ADAMTS19: variants seen among roughly 807,000 people sequenced by gnomAD.
The protein encoded by ADAMTS19 is A disintegrin and metalloproteinase with thrombospondin motifs 19.
Under a neutral mutation model 153.3 loss-of-function variants are expected in ADAMTS19, and 93 were observed. The observed-to-expected ratio is 0.61, with a 90% confidence interval of 0.51 to 0.72. The LOEUF is 0.72. Ranked by LOEUF, ADAMTS19 falls within the 30% of genes least tolerant of loss-of-function variation. ADAMTS19 has a pLI of 0.00. For synonymous variants in ADAMTS19, 600 were observed against 556.6 expected, an observed-to-expected ratio of 1.08 and a Z score of -1.10; for missense variants, 1,482 against 1,552.1, an observed-to-expected ratio of 0.95 and a Z score of 0.76.
chr5:129,633,063 T>TA (rs1028701146), intron 10 of ADAMTS19, among the ~76,000 whole-genome samples: 12 of 152,222 alleles, frequency 7.9e-5, no homozygotes, highest in Admixed American at 6.6e-4. Context: ...AAATCTTTCA[T>TA]ATTTTTCAAT....
chr5:129,645,796 T>C (rs1432451880), intron 11 of ADAMTS19, among the ~76,000 whole-genome samples: 2 of 152,132 alleles, frequency 1.3e-5, no homozygotes, highest in Non-Finnish European at 1.5e-5. Context: ...ACATTGAATT[T>C]TTTTTTCCAT....
At chr5:129,484,671 CA>C (rs1750533947) in intron 2 of ADAMTS19, among the ~76,000 whole-genome samples, 4 of 151,816 alleles carry the variant, frequency 2.6e-5, no homozygotes. Flanking sequence ...CATTTTTTCT[CA>C]TTTTCTTAAT....
At chr5:129,510,942 T>TGCTAA (rs1459497502) in intron 3 of ADAMTS19, among the ~76,000 whole-genome samples, 43 of 151,306 alleles carry the variant, frequency 2.8e-4, no homozygotes, top group African/African-American at 1.0e-3. Flanking sequence ...ATGTAAGGAG[T>TGCTAA]GCTAAGCTAT....
Position 129,528,605 on chromosome 5 carries a change from A to G in ADAMTS19, c.1256A>G (p.Asp419Gly). Residue 419 changes from aspartate (D) to glycine (G), a missense_variant, in exon 6 of 23, where the codon GAT becomes GGT. This residue lies in a region of ADAMTS19 where 866 missense variants were observed against 827.7 expected (regional missense o/e 1.05). Coordinates refer to ENST00000274487, the MANE Select transcript of ADAMTS19 (RefSeq NM_133638.6). ...WQHEEFGKKNDIHLEMSTNWG... is the reference protein window; with the variant it reads ...WQHEEFGKKNGIHLEMSTNWG... ...CATGAAGAATTTGGCAAAAAGAATGATATACATTTAGAGATGTCAACAAAC... is the reference window on the plus strand; with the variant it reads ...CATGAAGAATTTGGCAAAAAGAATGGTATACATTTAGAGATGTCAACAAAC... The G allele has an allele frequency of 6.2e-7, 1 of 1,609,036 alleles. No homozygotes were observed. Among genetic ancestry groups the G allele is most frequent in the Non-Finnish European group, 8.5e-7 (1 of 1,177,878 alleles).
chr5:129,503,477 T>G (rs1751169849), intron 2 of ADAMTS19, among the ~76,000 whole-genome samples: 1 of 152,168 alleles, frequency 6.6e-6, no homozygotes, highest in Non-Finnish European at 1.5e-5. Context: ...ATGCCTACAC[T>G]TTGAACTATA....
chr5:129,531,970 C>T (rs753373343), intron 6 of ADAMTS19, among the ~76,000 whole-genome samples: 3 of 151,552 alleles, frequency 2.0e-5, no homozygotes, highest in Admixed American at 6.6e-5. Flanking sequence ...GACACCTTTG[C>T]GAAAAAAATG....
chr5:129,479,055 T>C (rs1750324117), intron 2 of ADAMTS19, among the ~76,000 whole-genome samples: 2 of 152,142 alleles, frequency 1.3e-5, no homozygotes, highest in African/African-American at 2.4e-5. Context: ...CTCAGTTTTA[T>C]AGATAAGGAT....
chr5:129,735,080 A>G lies in ADAMTS19; in HGVS notation c.3461A>G (p.Asn1154Ser). ...CHLQPCNEKINVNTITSPRLA... is the reference protein window; with the variant it reads ...CHLQPCNEKISVNTITSPRLA... ...CTTCAACCCTGCAATGAGAAAATTA[A>G]TGTAAATACCATAACATCACCCAGA... is the stretch of plus-strand genomic sequence containing the variant. The change falls in exon 22 of 23, where the codon AAT becomes AGT. Residue 1154 changes from asparagine to serine, a missense_variant. Asn to Ser is a conservative substitution (Grantham distance 46). Around this residue, in one of 2 missense-constraint regions of ADAMTS19, gnomAD observed 616 missense variants for 724.4 expected, o/e 0.85. Transcript: ENST00000274487. 1.2e-6 allele frequency: 2 copies of G among 1,603,480 alleles called. No individual in the cohort carries two copies. Among genetic ancestry groups the G allele is most frequent in the South Asian group, 1.1e-5 (1 of 88,642 alleles).
chr5:129,713,332 A>G (rs984097710), intron 21 of ADAMTS19, among the ~76,000 whole-genome samples: 1 of 152,248 alleles, frequency 6.6e-6, no homozygotes, highest in African/African-American at 2.4e-5. Context: ...GTGTTCATCA[A>G]CTACTAGAGA....
At chr5:129,494,341 A>G (rs1750860785) in intron 2 of ADAMTS19, among the ~76,000 whole-genome samples, 1 of 152,084 alleles carries the variant, frequency 6.6e-6, no homozygotes, top group Non-Finnish European at 1.5e-5. Flanking sequence ...TTCTTGATAC[A>G]TGTTTTTGTC....
intron 7 of ADAMTS19, among the ~76,000 whole-genome samples, chr5:129,579,075 CT>C (rs1749363541): frequency 6.6e-6 from 1 of 152,174 alleles, no homozygotes; most frequent in Non-Finnish European, 1.5e-5. Context: ...AAAAGCATTC[CT>C]GTTTCTCCAC....
At chr5:129,580,522 G>C (rs2126884495) in intron 7 of ADAMTS19, among the ~76,000 whole-genome samples, 1 of 152,242 alleles carries the variant, frequency 6.6e-6, no homozygotes, top group Middle Eastern at 3.4e-3. Flanking sequence ...GTTTTCAAAG[G>C]GGATGCTTCC....
At chr5:129,659,645 T>G (rs889343655) in intron 15 of ADAMTS19, among the ~76,000 whole-genome samples, 3 of 152,142 alleles carry the variant, frequency 2.0e-5, no homozygotes, top group African/African-American at 7.2e-5. Flanking sequence ...AGTGCAGTGG[T>G]GCATGGCTCA....
chr5:129,728,531 A>G (rs1294799861), intron 21 of ADAMTS19, among the ~76,000 whole-genome samples: 3 of 152,094 alleles, frequency 2.0e-5, no homozygotes, highest in Non-Finnish European at 4.4e-5. Context: ...CTATCTTGTA[A>G]GAGGTCCAGA....
In ADAMTS19 at chr5:129,737,115, G is replaced by A. The variant is rs1389319442; in HGVS notation, c.3539G>A (p.Arg1180Gln). 4.3e-6 allele frequency: 7 copies of A among 1,610,730 alleles called. No individual in the cohort carries two copies. Among genetic ancestry groups the A allele is most frequent in the Admixed American group, 1.7e-5 (1 of 59,770 alleles). ...CLGDQWPVYC[R>Q]VIREKNLCQD... is the part of the protein sequence containing the mutation. ...GGAGATCAGTGGCCAGTGTACTGCC[G>A]AGTGATACGTGAAAAGAACCTATGT... Residue 1180 changes from arginine to glutamine, a missense_variant, in exon 23 of 23, where the codon CGA (arginine) becomes CAA (glutamine). Around this residue, in one of 2 missense-constraint regions of ADAMTS19, gnomAD observed 616 missense variants for 724.4 expected, o/e 0.85. Transcript: ENST00000274487.
At chr5:129,637,791 G>A (rs1374404613) in intron 10 of ADAMTS19, among the ~76,000 whole-genome samples, 1 of 152,138 alleles carries the variant, frequency 6.6e-6, no homozygotes, top group Non-Finnish European at 1.5e-5. Flanking sequence ...GTTGCATTGA[G>A]CCAAGATGAT....
chr5:129,534,082 G>T (rs1389134916), intron 6 of ADAMTS19, among the ~76,000 whole-genome samples: 1 of 152,128 alleles, frequency 6.6e-6, no homozygotes, highest in African/African-American at 2.4e-5. Flanking sequence ...TTGACTTGGG[G>T]TGGAGAGTTC....
At chr5:129,660,934 C>T (rs1753789453) in intron 15 of ADAMTS19, among the ~76,000 whole-genome samples, 1 of 152,148 alleles carries the variant, frequency 6.6e-6, no homozygotes, top group South Asian at 2.1e-4. Context: ...CTTACAGGTG[C>T]TCACACTGAC....
intron 7 of ADAMTS19, among the ~76,000 whole-genome samples, chr5:129,559,874 T>C (rs1245049201): frequency 6.6e-6 from 1 of 152,152 alleles, no homozygotes; most frequent in Non-Finnish European, 1.5e-5. Flanking sequence ...AGTGCTCAAT[T>C]AGATTTATTC....
Sources: gnomAD v4.1 joint callset for allele counts (sites outside exome capture counted in the v4.1 genomes callset) on GRCh38, gnomAD v4.1.1 for gene constraint, gnomAD v4.1.1 regional missense constraint, MANE v1.5 for transcripts, NCBI Gene and HGNC (gene_info 2026-07-23, HGNC 2026-07-21) for gene names.